The following WTAP variants were observed in gnomAD, a reference collection of about 807,000 sequenced individuals.
The protein encoded by WTAP is WT1 associated protein.
In WTAP, 8 loss-of-function variants were observed where a neutral mutation model predicts 50.0. That is an observed-to-expected ratio of 0.16 (90% CI 0.09 to 0.29). The LOEUF (loss-of-function observed/expected upper bound fraction) is 0.29. Ranked by LOEUF, WTAP falls within the 10% of genes least tolerant of loss-of-function variation. The pLI is 1.00. For missense variants in WTAP, 295 were observed against 470.7 expected, an observed-to-expected ratio of 0.63 and a Z score of 3.45; for synonymous variants, 194 against 169.0, an observed-to-expected ratio of 1.15 and a Z score of -1.15.
chr6:159,739,069 C>G, intron 3 of WTAP, 24 bp downstream of exon 3: 1 of 1,580,084 alleles, frequency 6.3e-7, no homozygotes, highest in Non-Finnish European at 8.7e-7. Context: ...TGTTCAAAAA[C>G]AAAGTCTTTC....
Position 159,755,807 on chromosome 6 carries a change from C to A in WTAP, c.*196C>A. 3.5e-6 allele frequency: 3 copies of A among 868,910 alleles called. No homozygotes were observed. Among genetic ancestry groups the A allele is most frequent in the Non-Finnish European group, 2.9e-6 (2 of 683,644 alleles). The allele number at this position is 868,910 out of a possible 1,614,324, so 53.8% of individuals were successfully genotyped here. ...TTTTTTTTTGCTTCAATACTTCTGCCGCTTTGGAAATTGTAACAGTTAATT... is the reference window on the plus strand; with the variant it reads ...TTTTTTTTTGCTTCAATACTTCTGCAGCTTTGGAAATTGTAACAGTTAATT... On this transcript the variant is annotated 3_prime_UTR_variant, in exon 8 of 8. Transcript: ENST00000621533.
chr6:159,755,254 T>C lies in WTAP; in HGVS notation c.834T>C (p.Ser278=). Residue 278 remains serine, a synonymous_variant, in exon 8 of 8, where the codon AGT becomes AGC. Coordinates refer to ENST00000621533, the MANE Select transcript of WTAP (RefSeq NM_001270531.2). Reference sequence around the variant, plus strand: ...GCAGTCGTCTGACAAACGGACCAAGTAATGGTAGCTCCTCCCGCCAGAGGA... The same window carrying C: ...GCAGTCGTCTGACAAACGGACCAAGCAATGGTAGCTCCTCCCGCCAGAGGA... ...KDCSRLTNGP[S]NGSSSRQRTS... is the part of the protein sequence containing the mutation. 6.2e-7 allele frequency: 1 copy of C among 1,614,168 alleles called. No individual in the cohort carries two copies. Among genetic ancestry groups the C allele is most frequent in the Non-Finnish European group, 8.5e-7 (1 of 1,180,010 alleles).
chr6:159,732,851 TCTCTCTC>T (rs1778663002), intron 1 of WTAP, among the ~76,000 whole-genome samples: 1 of 61,940 alleles, frequency 1.6e-5, no homozygotes, highest in African/African-American at 1.1e-4. Context: ...TCTGCTTCTT[TCTCTCTC>T]TCTCTCTCTC....
chr6:159,739,572 T>C (rs1779119419), intron 3 of WTAP, among the ~76,000 whole-genome samples: 1 of 152,242 alleles, frequency 6.6e-6, no homozygotes, highest in Non-Finnish European at 1.5e-5. Context: ...TTTTAGATTG[T>C]GTAAGAAATC....
Position 159,727,529 on chromosome 6 carries a change from A to C in WTAP, c.-183A>C. The C allele has an allele frequency of 4.0e-6, 4 of 991,978 alleles. No homozygotes were observed. The highest frequency in any genetic ancestry group is 4.8e-6 in the Non-Finnish European group (4 of 835,090). 61.4% of individuals were successfully genotyped at this position (991,978 alleles called of 1,614,324 possible). A position where few individuals can be genotyped will look rare whatever the true frequency, so the allele number is the denominator to read the frequency against. ...TCCTCCCTCAGCGCCATTTTGTGGCAGCGAGACCCACAAATAAAGGGGAGC... is the reference window on the plus strand; with the variant it reads ...TCCTCCCTCAGCGCCATTTTGTGGCCGCGAGACCCACAAATAAAGGGGAGC... On this transcript the variant is annotated 5_prime_UTR_variant, in exon 1 of 8. Transcript: ENST00000621533.
At chr6:159,727,281 G>A (rs1343060339), upstream of WTAP, 2 of 1,280,480 alleles carry the variant, frequency 1.6e-6, no homozygotes, top group Non-Finnish European at 1.0e-6. Context: ...CTCTCCTGGC[G>A]GGGTTCGGCG....
intron 1 of WTAP, among the ~76,000 whole-genome samples, chr6:159,735,757 T>A (rs1273716517): frequency 2.6e-5 from 4 of 151,766 alleles, no homozygotes; most frequent in East Asian, 1.9e-4. Context: ...TCAAAAAAAA[T>A]AAAAATAAAA....
rs775455176 is a variant in WTAP at position 159,748,146 on chromosome 6, T to G, written c.274-45T>G. ...GGAGTTTTCCCCACCTTCTTATGTA[T>G]GTTTCCTTTGATTTGGTCGTAATTG... is the stretch of plus-strand genomic sequence containing the variant. On this transcript the variant is annotated intron_variant, in intron 5 of 7. Transcript: ENST00000621533. This position sits in a 1 kb window ranked among gnomAD's most constrained non-coding sequence, Gnocchi z 5.6. 12 of 1,570,322 alleles carry G rather than the reference T, an allele frequency of 7.6e-6. No individual in the cohort carries two copies. Among genetic ancestry groups the G allele is most frequent in the South Asian group, 7.0e-5 (6 of 85,568 alleles).
intron 3 of WTAP, chr6:159,741,450 AC>A (rs1779250364): frequency 6.6e-6 from 1 of 152,248 alleles, no homozygotes; most frequent in Non-Finnish European, 1.5e-5. Context: ...ATAATGAGGC[AC>A]ATTTCTAATA....
At chr6:159,747,862 T>A (rs907848247) in intron 5 of WTAP, among the ~76,000 whole-genome samples, 2 of 150,636 alleles carry the variant, frequency 1.3e-5, no homozygotes, top group Non-Finnish European at 2.9e-5. Flanking sequence ...TGTAATCAAA[T>A]GGCCTCAATT....
upstream of WTAP, chr6:159,726,994 C>G (rs1778205881): frequency 2.4e-6 from 3 of 1,271,088 alleles, no homozygotes; most frequent in Non-Finnish European, 1.0e-6. Context: ...CCGCCTTCGC[C>G]CAGATCCCTC....
chr6:159,753,275 C>T (rs899235339), intron 6 of WTAP, 185 bp from the exon 7 acceptor site: 3 of 813,832 alleles, frequency 3.7e-6, no homozygotes, highest in Non-Finnish European at 5.6e-6. Flanking sequence ...ATTTTTACTG[C>T]TGTGTTGGCA....
chr6:159,743,519 A>G (rs1345177460), intron 4 of WTAP, 146 bp from the exon 5 acceptor site: 2 of 690,826 alleles, frequency 2.9e-6, no homozygotes, highest in Admixed American at 3.3e-5. Context: ...TCTCGTGACC[A>G]GGAAGAAATT....
chr6:159,727,342 G>A (rs1386148360), upstream of WTAP: 2 of 1,239,732 alleles, frequency 1.6e-6, no homozygotes, highest in Non-Finnish European at 2.1e-6. Flanking sequence ...CTGTGAGTGG[G>A]CCAGAAGGCG....
In WTAP at chr6:159,748,151, C is replaced by G; in HGVS notation, c.274-40C>G. On this transcript the variant is annotated intron_variant, in intron 5 of 7. Transcript: ENST00000621533. This position sits in a 1 kb window ranked among gnomAD's most constrained non-coding sequence, Gnocchi z 5.6. The stretch of plus-strand genomic sequence containing the variant: ...TTTCCCCACCTTCTTATGTATGTTT[C>G]CTTTGATTTGGTCGTAATTGTTTCT... 1 of 1,576,118 alleles carries G rather than the reference C, an allele frequency of 6.3e-7. No individual in the cohort carries two copies. The highest frequency in any genetic ancestry group is 8.6e-7 in the Non-Finnish European group (1 of 1,156,418).
At chr6:159,740,590 C>T (rs954694094) in intron 3 of WTAP, among the ~76,000 whole-genome samples, 7 of 151,986 alleles carry the variant, frequency 4.6e-5, no homozygotes, top group African/African-American at 1.7e-4. Context: ...TGGTAAACTA[C>T]GTGTCTTAGG....
At chr6:159,741,443 A>G (rs1779249598) in intron 3 of WTAP, 1 of 152,208 alleles carries the variant, frequency 6.6e-6, no homozygotes, top group Admixed American at 6.5e-5. Flanking sequence ...ATTCTACATA[A>G]TGAGGCACAT....
At chr6:159,740,142 GC>G (rs1431128392) in intron 3 of WTAP, among the ~76,000 whole-genome samples, 1 of 151,504 alleles carries the variant, frequency 6.6e-6, no homozygotes, top group Non-Finnish European at 1.5e-5. Flanking sequence ...ACCATGCCTG[GC>G]CATGATTTTT....
intron 1 of WTAP, among the ~76,000 whole-genome samples, chr6:159,732,071 T>C (rs899803808): frequency 5.3e-5 from 8 of 152,212 alleles, no homozygotes; most frequent in African/African-American, 1.9e-4. Flanking sequence ...TGAACCCTGG[T>C]GTATGAAAAG....
Sources: gnomAD v4.1 joint callset for allele counts (sites outside exome capture counted in the v4.1 genomes callset) on GRCh38, gnomAD v4.1.1 for gene constraint, Gnocchi (gnomAD v3.1) non-coding constraint, MANE v1.5 for transcripts, NCBI Gene and HGNC (gene_info 2026-07-23, HGNC 2026-07-21) for gene names.